Variants in ADAMTS16 observed in about 807,000 individuals in gnomAD.
ADAMTS16 encodes the protein A disintegrin and metalloproteinase with thrombospondin motifs 16.
ADAMTS16 carries 94 observed loss-of-function variants against 145.8 expected under a neutral mutation model. That is an observed-to-expected ratio of 0.64 (90% CI 0.55 to 0.77). ADAMTS16 has a LOEUF of 0.77. Among genes scored for constraint, ADAMTS16 ranks in the 30% least tolerant of loss-of-function variants. ADAMTS16 has a pLI of 0.00. For missense variants in ADAMTS16, 1,585 were observed against 1,591.5 expected, an observed-to-expected ratio of 1.00 and a Z score of 0.07; for synonymous variants, 659 against 604.3, an observed-to-expected ratio of 1.09 and a Z score of -1.33.
chr5:5,147,601 G>C (rs1734337846), intron 3 of ADAMTS16, among the ~76,000 whole-genome samples: 1 of 152,250 alleles, frequency 6.6e-6, no homozygotes, highest in South Asian at 2.1e-4. Context: ...AAGTTTTTGG[G>C]TTGAGTTGCC....
chr5:5,168,913 G>T (rs1162845433), intron 3 of ADAMTS16, among the ~76,000 whole-genome samples: 1 of 150,984 alleles, frequency 6.6e-6, no homozygotes, highest in Non-Finnish European at 1.5e-5. Flanking sequence ...CATTGAATCT[G>T]GGATAGCCCC....
At chr5:5,270,271 C>T (rs1738412679) in intron 18 of ADAMTS16, among the ~76,000 whole-genome samples, 1 of 152,222 alleles carries the variant, frequency 6.6e-6, no homozygotes, top group Non-Finnish European at 1.5e-5. Flanking sequence ...CTCTCCTGCA[C>T]TGGAATTCTT....
intron 18 of ADAMTS16, among the ~76,000 whole-genome samples, chr5:5,299,423 G>A (rs367992880): frequency 1.3e-5 from 2 of 152,196 alleles, no homozygotes; most frequent in Non-Finnish European, 2.9e-5. Context: ...TGCTGATGTC[G>A]TGTGTAATGA....
Position 5,250,054 on chromosome 5 carries a change from G to A in ADAMTS16, c.2662+7863G>A, listed in dbSNP as rs537106180. On this transcript the variant is annotated intron_variant, in intron 17 of 22. Coordinates refer to ENST00000274181, the MANE Select transcript of ADAMTS16 (RefSeq NM_139056.4). ...ATGTTCACATGCTTCTCTCTTCCGTGTATGTGTGTGTCCACTGAGTCTGAG... is the reference window on the plus strand; with the variant it reads ...ATGTTCACATGCTTCTCTCTTCCGTATATGTGTGTGTCCACTGAGTCTGAG... Among the ~76,000 whole-genome samples the A allele has an allele frequency of 9.2e-5, 14 of 152,302 alleles. No homozygotes were observed. In the South Asian group the frequency reaches 2.9e-3, roughly 32 times the overall value.
At chr5:5,214,371 T>C (rs1736366205) in intron 10 of ADAMTS16, among the ~76,000 whole-genome samples, 2 of 152,228 alleles carry the variant, frequency 1.3e-5, no homozygotes, top group African/African-American at 4.8e-5. Flanking sequence ...AAAATTGTTC[T>C]TTAACACAAA....
At chr5:5,304,480 C>G (rs1447555260) in intron 20 of ADAMTS16, among the ~76,000 whole-genome samples, 1 of 152,054 alleles carries the variant, frequency 6.6e-6, no homozygotes, top group Non-Finnish European at 1.5e-5. Context: ...CCTGTCTGAA[C>G]GGGGTATTGA....
chr5:5,220,222 C>G (rs1035518545), intron 10 of ADAMTS16, among the ~76,000 whole-genome samples: 6 of 146,900 alleles, frequency 4.1e-5, no homozygotes, highest in Non-Finnish European at 7.4e-5. Flanking sequence ...TACAGTGGTG[C>G]CATCTCGGCT....
At chr5:5,210,603 T>C (rs6555337) in intron 10 of ADAMTS16, among the ~76,000 whole-genome samples, 106,117 of 151,996 alleles carry the variant, frequency 0.7, 37,369 homozygotes, top group East Asian at 0.88. Flanking sequence ...TGCTAAATGT[T>C]GCCTGCTCTT....
intron 3 of ADAMTS16, among the ~76,000 whole-genome samples, chr5:5,180,118 A>G (rs952162018): frequency 6.6e-6 from 1 of 151,946 alleles, no homozygotes; most frequent in Non-Finnish European, 1.5e-5. Context: ...TCTCCCCGCA[A>G]CTCCCAAGTA....
In ADAMTS16 at chr5:5,299,884, G is replaced by C. The variant is rs181471131; in HGVS notation, c.2790-3384G>C. ...GGGCAACTGAACACAGCTTGTTACT[G>C]TTCATGGAACCCTCAGACATTAGCA... On this transcript the variant is annotated intron_variant, in intron 18 of 22. Coordinates refer to ENST00000274181, the MANE Select transcript of ADAMTS16 (RefSeq NM_139056.4). Among the ~76,000 whole-genome samples the C allele has an allele frequency of 2.2e-3, 333 of 152,332 alleles. 4 individuals carry two copies. Among genetic ancestry groups the C allele is most frequent in the African/African-American group, 7.8e-3 (326 of 41,576 alleles).
At chr5:5,291,230 T>C (rs1579386666) in intron 18 of ADAMTS16, among the ~76,000 whole-genome samples, 1 of 152,224 alleles carries the variant, frequency 6.6e-6, no homozygotes, top group East Asian at 1.9e-4. Flanking sequence ...CAGTCAGGTC[T>C]TTGTTGATTT....
In ADAMTS16 at chr5:5,214,131, G is replaced by A. The variant is rs565504722; in HGVS notation, c.1605+4885G>A. Among the ~76,000 whole-genome samples the A allele has an allele frequency of 7.2e-5, 11 of 152,228 alleles. No homozygotes were observed. In the East Asian group the frequency reaches 1.7e-3, roughly 24 times the overall value. On this transcript the variant is annotated intron_variant, in intron 10 of 22. Transcript: ENST00000274181. The stretch of plus-strand genomic sequence containing the variant: ...TCTCCTTGCATGTTTTCCTTCTCTC[G>A]AGCATCACAGTACTGTGTTGACTAT...
chr5:5,264,129 A>C (rs1342503301), intron 18 of ADAMTS16, among the ~76,000 whole-genome samples: 1 of 152,254 alleles, frequency 6.6e-6, no homozygotes, highest in African/African-American at 2.4e-5. Flanking sequence ...TACTATTGGA[A>C]AGGGCAACAT....
intron 9 of ADAMTS16, among the ~76,000 whole-genome samples, chr5:5,203,448 CT>C: frequency 6.6e-6 from 1 of 152,274 alleles, no homozygotes; most frequent in Admixed American, 6.5e-5. Context: ...AAATGGCTAC[CT>C]TTTAAGATGA....
At chr5:5,292,836 C>T (rs1268884492) in intron 18 of ADAMTS16, among the ~76,000 whole-genome samples, 6 of 152,208 alleles carry the variant, frequency 3.9e-5, no homozygotes, top group African/African-American at 1.4e-4. Context: ...TGTCATCCCT[C>T]TTCATAGCCA....
chr5:5,307,079 T>G (rs907871320), intron 21 of ADAMTS16, among the ~76,000 whole-genome samples: 1 of 152,134 alleles, frequency 6.6e-6, no homozygotes, highest in Non-Finnish European at 1.5e-5. Flanking sequence ...AATAGGTGGT[T>G]GTTCTTTTCA....
intron 18 of ADAMTS16, among the ~76,000 whole-genome samples, chr5:5,275,936 G>A (rs916550608): frequency 1.3e-5 from 2 of 151,472 alleles, no homozygotes; most frequent in Admixed American, 6.6e-5. Flanking sequence ...TCAGCTCACC[G>A]CAACCAACAT....
intron 2 of ADAMTS16, 136 bp downstream of exon 2, chr5:5,140,902 T>C: frequency 1.1e-6 from 1 of 895,268 alleles, no homozygotes; most frequent in Non-Finnish European, 1.6e-6. Flanking sequence ...TGAACTTTTT[T>C]TTTTTTTAAC....
intron 8 of ADAMTS16, among the ~76,000 whole-genome samples, chr5:5,198,787 G>A (rs2126588622): frequency 1.3e-5 from 2 of 152,310 alleles, no homozygotes; most frequent in East Asian, 3.9e-4. Context: ...AGATTCTCTT[G>A]ACACCTTTTG....
Sources: allele counts gnomAD v4.1 joint callset (sites outside exome capture counted in the v4.1 genomes callset), GRCh38; gene constraint gnomAD v4.1.1; transcripts MANE v1.5; gene names NCBI Gene and HGNC (gene_info 2026-07-23, HGNC 2026-07-21).